Variants in PDZRN3 observed in about 807,000 individuals in gnomAD.
PDZRN3 encodes PDZ domain containing ring finger 3, also known as E3 ubiquitin-protein ligase PDZRN3.
Under a neutral mutation model 85.7 loss-of-function variants are expected in PDZRN3, and 38 were observed. That is an observed-to-expected ratio of 0.44 (90% CI 0.34 to 0.58). The LOEUF is 0.58. Ranked by LOEUF, PDZRN3 falls within the 20% of genes least tolerant of loss-of-function variation. PDZRN3 has a pLI of 0.01. For missense variants in PDZRN3, 1,629 were observed against 1,506.4 expected (o/e 1.08, Z -1.35); for synonymous variants, 759 against 638.0 (o/e 1.19, Z -2.86).
At chr3:73,513,035 G>A (rs1704195887) in intron 3 of PDZRN3, among the ~76,000 whole-genome samples, 1 of 152,122 alleles carries the variant, frequency 6.6e-6, no homozygotes, top group African/African-American at 2.4e-5. Context: ...CGGGTACCAA[G>A]GGCCAGTTCC....
chr3:73,532,601 G>A (rs556644354), intron 3 of PDZRN3, among the ~76,000 whole-genome samples: 1 of 152,232 alleles, frequency 6.6e-6, no homozygotes, highest in South Asian at 2.1e-4. Flanking sequence ...CCTTGTCTAA[G>A]TTTTCACAGG....
At chr3:73,408,361 G>C (rs780579941) in intron 3 of PDZRN3, 13 of 612,196 alleles carry the variant, frequency 2.1e-5, no homozygotes, top group Non-Finnish European at 3.2e-5. Context: ...AATTTACTAA[G>C]ACTCCAGTGC....
At chr3:73,505,303 G>A (rs1704050404) in intron 3 of PDZRN3, among the ~76,000 whole-genome samples, 1 of 152,120 alleles carries the variant, frequency 6.6e-6, no homozygotes, top group Non-Finnish European at 1.5e-5. Flanking sequence ...CTTAAAGATA[G>A]ACTTTGCTTC....
intron 3 of PDZRN3, among the ~76,000 whole-genome samples, chr3:73,445,900 CCT>C (rs1702739466): frequency 6.6e-6 from 1 of 152,098 alleles, no homozygotes. Context: ...TAAAATAGTC[CCT>C]GATAGGATAT....
chr3:73,536,562 A>G (rs928737551), intron 3 of PDZRN3, among the ~76,000 whole-genome samples: 3 of 152,236 alleles, frequency 2.0e-5, no homozygotes, highest in African/African-American at 7.2e-5. Context: ...CCCCTTCCCA[A>G]AGATTTCCAG....
chr3:73,501,525 C>T (rs1335211568), intron 3 of PDZRN3, among the ~76,000 whole-genome samples: 1 of 152,194 alleles, frequency 6.6e-6, no homozygotes, highest in Non-Finnish European at 1.5e-5. Context: ...TTTCCCACTT[C>T]TAATCTAGCA....
At chr3:73,535,801 T>C (rs1704770519) in intron 3 of PDZRN3, among the ~76,000 whole-genome samples, 1 of 152,204 alleles carries the variant, frequency 6.6e-6, no homozygotes, top group African/African-American at 2.4e-5. Context: ...AAGGTGATTG[T>C]AGAATACCAT....
At chr3:73,415,804 GTAAGT>G (rs1702069402) in intron 3 of PDZRN3, among the ~76,000 whole-genome samples, 1 of 152,014 alleles carries the variant, frequency 6.6e-6, no homozygotes, top group Admixed American at 6.6e-5. Context: ...TAACTCCATC[GTAAGT>G]TAAGGAACAC....
chr3:73,486,102 A>G (rs558771574), intron 3 of PDZRN3, among the ~76,000 whole-genome samples: 6 of 152,346 alleles, frequency 3.9e-5, no homozygotes, highest in Admixed American at 1.3e-4. Context: ...GCTGACAGGA[A>G]GCTGGGAAAG....
At chr3:73,611,812 T>C (rs1370262226) in intron 1 of PDZRN3, among the ~76,000 whole-genome samples, 1 of 152,222 alleles carries the variant, frequency 6.6e-6, no homozygotes, top group Non-Finnish European at 1.5e-5. Flanking sequence ...AAACAGATAG[T>C]CTTCATATAA....
chr3:73,624,556 G>C lies in PDZRN3; in HGVS notation c.270C>G (p.Gly90=), dbSNP rs1702937158. Residue 90 remains glycine (G), a synonymous_variant, in exon 1 of 10, where the codon GGC becomes GGG. Transcript: ENST00000263666. ...IKCAYATRGC[G]RVVKLQQLPE... ...GCAGCTGCTGCAGCTTGACCACCCG[G>C]CCGCAGCCGCGCGTCGCGTACGCGC... The C allele has an allele frequency of 6.6e-7, 1 of 1,523,392 alleles. No individual in the cohort carries two copies. Among genetic ancestry groups the C allele is most frequent in the Non-Finnish European group, 8.8e-7 (1 of 1,141,104 alleles). 94.4% of individuals were successfully genotyped at this position (1,523,392 alleles called of 1,614,324 possible). A position where few individuals can be genotyped will look rare whatever the true frequency, so the allele number is the denominator to read the frequency against.
At chr3:73,620,299 G>A (rs1243440460) in intron 1 of PDZRN3, among the ~76,000 whole-genome samples, 1 of 152,234 alleles carries the variant, frequency 6.6e-6, no homozygotes, top group Non-Finnish European at 1.5e-5. Context: ...TATCGAGGAT[G>A]TATCTCAAGT....
At chr3:73,539,167 T>C (rs1470111307) in intron 3 of PDZRN3, among the ~76,000 whole-genome samples, 1 of 152,170 alleles carries the variant, frequency 6.6e-6, no homozygotes. Context: ...AAAGTCATTA[T>C]TCCTCAGACT....
intron 3 of PDZRN3, among the ~76,000 whole-genome samples, chr3:73,428,344 C>T (rs1033409162): frequency 6.6e-6 from 1 of 152,192 alleles, no homozygotes; most frequent in African/African-American, 2.4e-5. Context: ...AAACCATGGT[C>T]ATTTCATTCA....
intron 3 of PDZRN3, among the ~76,000 whole-genome samples, chr3:73,471,454 T>A (rs890229730): frequency 1.3e-5 from 2 of 152,242 alleles, no homozygotes; most frequent in African/African-American, 4.8e-5. Flanking sequence ...ATATAGTATC[T>A]ATGTAATAAA....
At position 73,552,812 on chromosome 3, in the gene PDZRN3, C is replaced by T. The variant is rs148183127; in HGVS notation, c.918+49542G>A. Among the ~76,000 whole-genome samples the T allele has an allele frequency of 2.0e-5, 3 of 152,306 alleles. No individual in the cohort carries two copies. In the East Asian group the frequency reaches 5.8e-4, roughly 29 times the overall value. On this transcript the variant is annotated intron_variant, in intron 3 of 9. Transcript: ENST00000263666. ...AATAGGTATTTGGAAAACAGATCTT[C>T]AGAAGGAAGGTAAATATTTCTATTA...
chr3:73,607,062 C>G (rs1032696962), intron 2 of PDZRN3, among the ~76,000 whole-genome samples: 8 of 152,170 alleles, frequency 5.3e-5, no homozygotes, highest in Non-Finnish European at 1.2e-4. Flanking sequence ...GCAGCTCCCC[C>G]AGTTCCCAAC....
intron 3 of PDZRN3, among the ~76,000 whole-genome samples, chr3:73,578,676 G>A (rs929026851): frequency 1.8e-4 from 27 of 152,116 alleles, no homozygotes; most frequent in Non-Finnish European, 2.8e-4. Flanking sequence ...TCAATACACT[G>A]GGGATCCACA....
intron 3 of PDZRN3, among the ~76,000 whole-genome samples, chr3:73,445,144 T>C (rs1702722464): frequency 6.6e-6 from 1 of 152,174 alleles, no homozygotes; most frequent in Non-Finnish European, 1.5e-5. Context: ...CCAAATTACT[T>C]TGTATCTTGC....
Sources: gnomAD v4.1 joint callset for allele counts (sites outside exome capture counted in the v4.1 genomes callset) on GRCh38, gnomAD v4.1.1 for gene constraint, MANE v1.5 for transcripts, NCBI Gene and HGNC (gene_info 2026-07-23, HGNC 2026-07-21) for gene names.